The following DNAI3 variants were observed in gnomAD, a reference collection of about 807,000 sequenced individuals.
DNAI3 encodes the protein dynein axonemal intermediate chain 3, also known as WD repeat domain 63.
DNAI3 carries 83 observed loss-of-function variants against 115.5 expected under a neutral mutation model. The ratio of observed to expected loss-of-function variants is 0.72; its 90% CI spans 0.60 to 0.86. The LOEUF is 0.86. DNAI3 is among the 40% of genes least tolerant of loss of function. The pLI is 0.00. For missense variants in DNAI3, 1,004 were observed against 1,075.8 expected (o/e 0.93, Z 0.93); for synonymous variants, 320 against 347.0 (o/e 0.92, Z 0.86).
intron 6 of DNAI3, 57 bp downstream of exon 6, chr1:85,084,752 A>G: frequency 3.8e-6 from 5 of 1,319,384 alleles, no homozygotes; most frequent in Non-Finnish European, 4.9e-6. Context: ...AACAACACTT[A>G]TTCCTGAGGG....
chr1:85,132,083 T>A (rs1216686019), intron 22 of DNAI3, among the ~76,000 whole-genome samples: 1 of 152,084 alleles, frequency 6.6e-6, no homozygotes, highest in Non-Finnish European at 1.5e-5. Context: ...ATAAAAAAAG[T>A]CACTAAGGAA....
intron 14 of DNAI3, among the ~76,000 whole-genome samples, chr1:85,107,026 A>C (rs1655508908): frequency 6.6e-6 from 1 of 152,244 alleles, no homozygotes; most frequent in African/African-American, 2.4e-5. Context: ...ACTACTTTTG[A>C]TGAAATACAA....
At chr1:85,076,525 A>G (rs956777281) in intron 3 of DNAI3, among the ~76,000 whole-genome samples, 1 of 152,152 alleles carries the variant, frequency 6.6e-6, no homozygotes, top group African/African-American at 2.4e-5. Context: ...GGTTTAATTG[A>G]CTCACAGTTC....
In DNAI3 at chr1:85,130,011, T is replaced by C; in HGVS notation, c.2431T>C (p.Phe811Leu). 1.2e-6 allele frequency: 2 copies of C among 1,612,914 alleles called. No individual in the cohort carries two copies. The highest frequency in any genetic ancestry group is 1.7e-6 in the Non-Finnish European group (2 of 1,179,580). ...ACAGATGGCAAGTGTCAACCACTATTTTGAAAGAGAAGTCAAGCATCTGGA... is the reference window on the plus strand; with the variant it reads ...ACAGATGGCAAGTGTCAACCACTATCTTGAAAGAGAAGTCAAGCATCTGGA... ...TNEMASVNHY[F>L]EREVKHLEYV... The change falls in exon 22 of 23, where the codon TTT becomes CTT. Residue 811 changes from phenylalanine (F) to leucine (L), a missense_variant. This residue lies in a region of DNAI3 where 429 missense variants were observed against 454.3 expected (regional missense o/e 0.94). Coordinates refer to ENST00000294664, the MANE Select transcript of DNAI3 (RefSeq NM_145172.5).
At chr1:85,105,796 C>A (rs1351485411) in intron 14 of DNAI3, among the ~76,000 whole-genome samples, 1 of 152,134 alleles carries the variant, frequency 6.6e-6, no homozygotes, top group Non-Finnish European at 1.5e-5. Context: ...ATCATTGTGT[C>A]CCGCTGCTCA....
At chr1:85,084,250 G>GTGTATATATATA (rs1553165780) in intron 5 of DNAI3, among the ~76,000 whole-genome samples, 3 of 85,040 alleles carry the variant, frequency 3.5e-5, no homozygotes, top group African/African-American at 1.1e-4. Context: ...TCAGCAGTGT[G>GTGTATATATATA]TATATATATA....
Position 85,093,530 on chromosome 1 carries a change from A to G in DNAI3, c.930A>G (p.Glu310=), listed in dbSNP as rs1346802568. ...FIDDWKYLAE[E]EGTFGDKTDT... ...ATGACTGGAAATACCTCGCAGAAGA[A>G]GAAGGCACCTTTGGGGACAAGACCG... Residue 310 remains glutamate, a synonymous_variant, in exon 9 of 23, where the codon GAA becomes GAG. Transcript: ENST00000294664. 1.9e-6 allele frequency: 3 copies of G among 1,614,210 alleles called. No individual in the cohort carries two copies. The South Asian group carries it at 3.3e-5, about 18-fold the overall frequency.
At chr1:85,084,277 T>TATATATATATATATATATAC (rs59205168) in intron 5 of DNAI3, among the ~76,000 whole-genome samples, 6 of 128,482 alleles carry the variant, frequency 4.7e-5, no homozygotes, top group South Asian at 5.1e-4. Flanking sequence ...TATATATATA[T>TATATATATATATATATATAC]ACACATCCAT....
At chr1:85,101,479 C>A (rs908859953) in intron 13 of DNAI3, among the ~76,000 whole-genome samples, 9 of 152,006 alleles carry the variant, frequency 5.9e-5, no homozygotes, top group African/African-American at 2.2e-4. Flanking sequence ...AATCCCAGCA[C>A]TTTGGGAGGC....
In DNAI3 at chr1:85,130,109, A is replaced by C. The variant is rs150392241; in HGVS notation, c.2529A>C (p.Lys843Asn). 3 of 1,613,234 alleles carry C rather than the reference A, an allele frequency of 1.9e-6. No homozygotes were observed. Among genetic ancestry groups the C allele is most frequent in the Non-Finnish European group, 2.5e-6 (3 of 1,179,708 alleles). ...KEMELEMAKKKVKTYQKSKEQ... is the reference protein window; with the variant it reads ...KEMELEMAKKNVKTYQKSKEQ... Reference sequence around the variant, plus strand: ...TGGAACTAGAAATGGCAAAGAAAAAAGTTGTAAGTTAAATTTCAGAAATGA... The same window carrying C: ...TGGAACTAGAAATGGCAAAGAAAAACGTTGTAAGTTAAATTTCAGAAATGA... The change falls in exon 22 of 23, where the codon AAA (lysine) becomes AAC (asparagine). Residue 843 changes from lysine to asparagine, a missense_variant. Coordinates refer to ENST00000294664, the MANE Select transcript of DNAI3 (RefSeq NM_145172.5).
chr1:85,071,937 G>A lies in DNAI3; in HGVS notation c.-5G>A. 1 of 1,610,988 alleles carries A rather than the reference G, an allele frequency of 6.2e-7. No individual in the cohort carries two copies. The highest frequency in any genetic ancestry group is 8.5e-7 in the Non-Finnish European group (1 of 1,179,380). On this transcript the variant is annotated 5_prime_UTR_variant, in exon 2 of 23. Transcript: ENST00000294664. ...TCATCTCTTTATGCAGCCCAAGTCA[G>A]AACCATGGCTCCAAAACAAAAGAAA... is the stretch of plus-strand genomic sequence containing the variant.
chr1:85,092,361 T>A (rs532287293), intron 8 of DNAI3, among the ~76,000 whole-genome samples: 1 of 152,336 alleles, frequency 6.6e-6, no homozygotes, highest in Non-Finnish European at 1.5e-5. Context: ...TATCTGTTTT[T>A]ACTGTTTATA....
At chr1:85,111,891 A>G (rs947518474) in intron 16 of DNAI3, among the ~76,000 whole-genome samples, 1 of 152,174 alleles carries the variant, frequency 6.6e-6, no homozygotes, top group African/African-American at 2.4e-5. Flanking sequence ...TAATCAAGAT[A>G]ATGAACATAT....
At chr1:85,064,534 T>G (rs1221257299) in intron 1 of DNAI3, among the ~76,000 whole-genome samples, 1 of 152,182 alleles carries the variant, frequency 6.6e-6, no homozygotes, top group Non-Finnish European at 1.5e-5. Flanking sequence ...TGCAGACGCA[T>G]TTACCAGAGG....
At chr1:85,087,776 G>A (rs1251510533) in intron 7 of DNAI3, among the ~76,000 whole-genome samples, 1 of 152,192 alleles carries the variant, frequency 6.6e-6, no homozygotes, top group African/African-American at 2.4e-5. Context: ...AGTGTTAAGT[G>A]AAGAGCTATG....
chr1:85,131,636 A>T (rs1656328296), intron 22 of DNAI3, among the ~76,000 whole-genome samples: 3 of 152,192 alleles, frequency 2.0e-5, no homozygotes, highest in Admixed American at 1.3e-4. Flanking sequence ...ATTGCATTCC[A>T]CTGCTACAAA....
At chr1:85,117,380 A>G (rs1655861794) in intron 16 of DNAI3, among the ~76,000 whole-genome samples, 2 of 152,226 alleles carry the variant, frequency 1.3e-5, no homozygotes, top group African/African-American at 4.8e-5. Flanking sequence ...AACATTTATT[A>G]ATTTTAGATT....
Position 85,076,382 on chromosome 1 carries a change from G to A in DNAI3, c.103+3290G>A, listed in dbSNP as rs149441278. ...AACATAAAAACAAAAACAACAAAAA[G>A]TAGAGATCCGTAACATAATTATATC... On this transcript the variant is annotated intron_variant, in intron 3 of 22. Transcript: ENST00000294664. 2.1e-3 allele frequency among the ~76,000 whole-genome samples: 317 copies of A among 152,142 alleles called. 2 individuals are homozygous for A. Among genetic ancestry groups the A allele is most frequent in the African/African-American group, 7.1e-3 (294 of 41,548 alleles).
intron 14 of DNAI3, 81 bp from the exon 15 acceptor site, chr1:85,107,952 A>G (rs1655537539): frequency 9.9e-7 from 1 of 1,008,774 alleles, no homozygotes; most frequent in Non-Finnish European, 1.4e-6. Flanking sequence ...CACAATGCTA[A>G]TATGTAGCAG....
Sources: gnomAD v4.1 joint callset for allele counts (sites outside exome capture counted in the v4.1 genomes callset) on GRCh38, gnomAD v4.1.1 for gene constraint, gnomAD v4.1.1 regional missense constraint, MANE v1.5 for transcripts, NCBI Gene and HGNC (gene_info 2026-07-23, HGNC 2026-07-21) for gene names.